The following DAB1 variants were observed in gnomAD, a reference collection of about 807,000 sequenced individuals.
DAB1 encodes DAB adaptor protein 1.
Under a neutral mutation model 64.6 loss-of-function variants are expected in DAB1, and 15 were observed. The ratio of observed to expected loss-of-function variants is 0.23; its 90% CI spans 0.16 to 0.36. DAB1 has a LOEUF of 0.36. DAB1 is among the 10% of genes least tolerant of loss of function. The probability of loss-of-function intolerance (pLI) is 1.00; values close to 1 mark genes in which losing one functional copy is unlikely to be tolerated. For synonymous variants in DAB1, 235 were observed against 251.9 expected (o/e 0.93, Z 0.64); for missense variants, 596 against 706.7 (o/e 0.84, Z 1.78).
At chr1:57,108,809 T>C (rs910007425) in intron 4 of DAB1, among the ~76,000 whole-genome samples, 3 of 152,118 alleles carry the variant, frequency 2.0e-5, no homozygotes, top group Non-Finnish European at 4.4e-5. Flanking sequence ...CAAATGATAA[T>C]AGTACCTTCT....
At chr1:58,049,209 T>C in intron 5 of DAB1, 1 of 768,498 alleles carries the variant, frequency 1.3e-6, no homozygotes, top group African/African-American at 1.7e-5. Context: ...TCTCAGGTTC[T>C]CATCAGTGGT....
chr1:57,167,897 A>G (rs939998240), intron 2 of DAB1, among the ~76,000 whole-genome samples: 2 of 152,212 alleles, frequency 1.3e-5, no homozygotes, highest in South Asian at 4.1e-4. Flanking sequence ...CCAGCAAAAT[A>G]TCCAGCATAA....
chr1:57,662,058 ACAAT>A (rs1397961824), intron 6 of DAB1, among the ~76,000 whole-genome samples: 1 of 152,156 alleles, frequency 6.6e-6, no homozygotes, highest in Non-Finnish European at 1.5e-5. Flanking sequence ...CGCCAAGAAG[ACAAT>A]CAGAGATTCC....
At chr1:58,144,736 G>C (rs1654494804) in intron 5 of DAB1, among the ~76,000 whole-genome samples, 2 of 152,128 alleles carry the variant, frequency 1.3e-5, no homozygotes, top group African/African-American at 4.8e-5. Flanking sequence ...ATACACCCGG[G>C]GTCACCCAGC....
intron 2 of DAB1, among the ~76,000 whole-genome samples, chr1:57,157,719 A>C (rs1156258038): frequency 6.6e-6 from 1 of 152,200 alleles, no homozygotes; most frequent in South Asian, 2.1e-4. Context: ...ATATTATTAC[A>C]TTGGGAGTTA....
At chr1:57,835,621 C>A (rs1186743434) in intron 1 of DAB1, among the ~76,000 whole-genome samples, 1 of 152,182 alleles carries the variant, frequency 6.6e-6, no homozygotes, top group African/African-American at 2.4e-5. Context: ...AGTCCTCCAT[C>A]ATTACTGTCT....
At chr1:58,150,646 A>G (rs1175789514) in intron 4 of DAB1, 2 of 150,730 alleles carry the variant, frequency 1.3e-5, no homozygotes, top group Non-Finnish European at 3.0e-5. Flanking sequence ...TGTACCAAAC[A>G]TACTCAAGGT....
intron 7 of DAB1, among the ~76,000 whole-genome samples, chr1:57,495,257 T>C (rs1053908271): frequency 6.6e-6 from 1 of 152,188 alleles, no homozygotes; most frequent in Non-Finnish European, 1.5e-5. Flanking sequence ...TACTATTTTA[T>C]GTACCACCAG....
At chr1:58,411,674 A>G (rs577084230) in intron 3 of DAB1, among the ~76,000 whole-genome samples, 2 of 152,352 alleles carry the variant, frequency 1.3e-5, no homozygotes, top group South Asian at 2.1e-4. Context: ...TCAAAGAATT[A>G]TAAGAGTTCA....
At chr1:57,097,207 C>G (rs897126336) in intron 4 of DAB1, among the ~76,000 whole-genome samples, 3 of 152,006 alleles carry the variant, frequency 2.0e-5, no homozygotes, top group Admixed American at 6.6e-5. Context: ...TTATAAACAC[C>G]ACCTGATGTA....
chr1:57,676,665 T>G lies in DAB1; in HGVS notation n.552-27000A>C, dbSNP rs185394245. Among the ~76,000 whole-genome samples the G allele has an allele frequency of 3.2e-4, 48 of 152,310 alleles. No individual in the cohort carries two copies. In the East Asian group the frequency reaches 7.4e-3, roughly 23 times the overall value. On this transcript the variant is annotated intron_variant and non_coding_transcript_variant, in intron 6 of 20. Coordinates refer to the DAB1 transcript ENST00000485760. The stretch of plus-strand genomic sequence containing the variant: ...TTGGCATCCTTGACTGTTAATGATA[T>G]GCCTCAAAATTACATCTCTTTCATT...
chr1:58,073,607 T>C (rs1649410046), intron 5 of DAB1, among the ~76,000 whole-genome samples: 1 of 152,202 alleles, frequency 6.6e-6, no homozygotes. Context: ...ATGTTGACCA[T>C]ATTGGATGCA....
At chr1:57,238,537 G>A (rs912341352) in intron 2 of DAB1, among the ~76,000 whole-genome samples, 1 of 152,186 alleles carries the variant, frequency 6.6e-6, no homozygotes, top group Non-Finnish European at 1.5e-5. Context: ...AAGGTCTTGT[G>A]ATGAAGCACG....
chr1:57,011,087 G>A (rs919725385), intron 13 of DAB1, 58 bp downstream of exon 13: 3 of 1,604,854 alleles, frequency 1.9e-6, no homozygotes, highest in East Asian at 4.5e-5. Flanking sequence ...ATCCATTTCA[G>A]TTACAGAGGT....
chr1:57,180,021 C>T (rs1662743668), intron 2 of DAB1, among the ~76,000 whole-genome samples: 1 of 152,186 alleles, frequency 6.6e-6, no homozygotes, highest in East Asian at 1.9e-4. Flanking sequence ...CCTGCAAGAG[C>T]CCCCTTTGTT....
chr1:57,982,937 C>T (rs1207563933), intron 5 of DAB1, among the ~76,000 whole-genome samples: 2 of 152,164 alleles, frequency 1.3e-5, no homozygotes, highest in Non-Finnish European at 2.9e-5. Flanking sequence ...TATTGCGGTT[C>T]TACTTTGCCA....
intron 7 of DAB1, among the ~76,000 whole-genome samples, chr1:57,480,271 T>C (rs9436131): frequency 0.25 from 37,470 of 151,888 alleles, 5,994 homozygotes; most frequent in African/African-American, 0.47. Context: ...TACAAATGGG[T>C]ACCCAGGTTC....
At chr1:58,046,139 T>C (rs1256623038) in intron 5 of DAB1, among the ~76,000 whole-genome samples, 1 of 152,192 alleles carries the variant, frequency 6.6e-6, no homozygotes, top group Non-Finnish European at 1.5e-5. Flanking sequence ...ATATGTAAAG[T>C]CCTGTGGTAG....
intron 2 of DAB1, among the ~76,000 whole-genome samples, chr1:57,221,016 G>C (rs1666822618): frequency 6.6e-6 from 1 of 152,208 alleles, no homozygotes; most frequent in South Asian, 2.1e-4. Context: ...ATCAGTGATA[G>C]ACTGGATTAA....
Sources: allele counts gnomAD v4.1 joint callset (sites outside exome capture counted in the v4.1 genomes callset), GRCh38; gene constraint gnomAD v4.1.1; transcripts MANE v1.5; gene names NCBI Gene and HGNC (gene_info 2026-07-23, HGNC 2026-07-21).